The following PDS5A variants were observed in gnomAD, a reference collection of about 807,000 sequenced individuals.
PDS5A encodes sister chromatid cohesion protein PDS5 homolog A.
PDS5A carries 42 observed loss-of-function variants against 167.1 expected under a neutral mutation model. The observed-to-expected ratio is 0.25, with a 90% confidence interval of 0.20 to 0.33. The LOEUF is 0.33. Among genes scored for constraint, PDS5A ranks in the 10% least tolerant of loss-of-function variants. The pLI, the probability that PDS5A is intolerant of heterozygous loss-of-function variation, is 1.00. For missense variants in PDS5A, 1,033 were observed against 1,605.9 expected, an observed-to-expected ratio of 0.64 and a Z score of 6.10; for synonymous variants, 553 against 554.6, an observed-to-expected ratio of 1.00 and a Z score of 0.04.
chr4:39,885,754 A>C (rs892939326), intron 17 of PDS5A, among the ~76,000 whole-genome samples: 1 of 152,040 alleles, frequency 6.6e-6, no homozygotes, highest in African/African-American at 2.4e-5. Flanking sequence ...GTCTCTACCA[A>C]AACCAAAACA....
In PDS5A at chr4:39,838,011, A is replaced by G; in HGVS notation, c.3855T>C (p.Asn1285=). ...KSESQGNATK[N]DDLNKPINKG... ...TGTTAATAGGTTTATTTAGATCATC[A>G]TTTTTGGTAGCATTGCCCTGAGATT... The change falls in exon 32 of 33, where the codon AAT becomes AAC. Residue 1285 remains asparagine (N), a synonymous_variant. Transcript: ENST00000303538. 1 of 1,613,910 alleles carries G rather than the reference A, an allele frequency of 6.2e-7. No homozygotes were observed. Among genetic ancestry groups the G allele is most frequent in the Non-Finnish European group, 8.5e-7 (1 of 1,179,886 alleles).
At chr4:39,919,984 G>T (rs1724781290) in intron 7 of PDS5A, among the ~76,000 whole-genome samples, 1 of 149,464 alleles carries the variant, frequency 6.7e-6, no homozygotes, top group South Asian at 2.2e-4. Flanking sequence ...TCAGAAGAAT[G>T]ACCCAAAAGA....
chr4:39,963,882 A>G (rs1342275403), intron 2 of PDS5A, among the ~76,000 whole-genome samples: 1 of 151,910 alleles, frequency 6.6e-6, no homozygotes, highest in Non-Finnish European at 1.5e-5. Flanking sequence ...TAGATATATA[A>G]ATTGATAAAC....
chr4:39,955,229 A>C (rs1560515284), intron 2 of PDS5A, among the ~76,000 whole-genome samples: 2 of 152,180 alleles, frequency 1.3e-5, no homozygotes, highest in Non-Finnish European at 2.9e-5. Context: ...TTTGGGATTT[A>C]CCATGCTGAA....
chr4:39,938,282 C>T (rs536876481), intron 2 of PDS5A, among the ~76,000 whole-genome samples: 3 of 152,260 alleles, frequency 2.0e-5, no homozygotes, highest in South Asian at 2.1e-4. Context: ...GGGCCGGGCA[C>T]GGTGGCTCAC....
At chr4:39,907,124 A>G (rs1042952388) in intron 11 of PDS5A, among the ~76,000 whole-genome samples, 1 of 152,124 alleles carries the variant, frequency 6.6e-6, no homozygotes, top group African/African-American at 2.4e-5. Context: ...CTATGAAAAA[A>G]CTGTAATAGT....
chr4:39,913,380 TGAC>T (rs1724067917), intron 9 of PDS5A, among the ~76,000 whole-genome samples: 1 of 152,092 alleles, frequency 6.6e-6, no homozygotes, highest in Non-Finnish European at 1.5e-5. Context: ...CGGCTGGCCA[TGAC>T]ATTATTTTAA....
chr4:39,861,777 T>C (rs1020753083), intron 26 of PDS5A, among the ~76,000 whole-genome samples: 2 of 152,188 alleles, frequency 1.3e-5, no homozygotes, highest in African/African-American at 4.8e-5. Flanking sequence ...ACCTCATAAA[T>C]GTATACAATT....
chr4:39,908,876 A>G, intron 10 of PDS5A: 1 of 201,946 alleles, frequency 5.0e-6, no homozygotes, highest in Non-Finnish European at 9.9e-6. Flanking sequence ...AAATTACCAA[A>G]TAAAAAAACT....
At chr4:39,833,615 C>T (rs1716127141) in intron 32 of PDS5A, among the ~76,000 whole-genome samples, 1 of 152,046 alleles carries the variant, frequency 6.6e-6, no homozygotes, top group Non-Finnish European at 1.5e-5. Context: ...GTCTTAAACT[C>T]CTAGGCTCCA....
chr4:39,867,070 G>A, intron 22 of PDS5A, 73 bp from the exon 23 acceptor site: 6 of 1,145,402 alleles, frequency 5.2e-6, no homozygotes, highest in Non-Finnish European at 6.2e-6. Flanking sequence ...AATTTAATTA[G>A]ATTAATGAGA....
chr4:39,874,134 A>T (rs140786571), intron 20 of PDS5A, among the ~76,000 whole-genome samples, 155 bp downstream of exon 20: 1 of 152,216 alleles, frequency 6.6e-6, no homozygotes, highest in Non-Finnish European at 1.5e-5. Flanking sequence ...ATGCAGTACC[A>T]CATAAAATAG....
chr4:39,852,196 T>G (rs1225216450), intron 26 of PDS5A, among the ~76,000 whole-genome samples: 1 of 152,170 alleles, frequency 6.6e-6, no homozygotes, highest in African/African-American at 2.4e-5. Context: ...TGGAAGTTGT[T>G]CAATATAATG....
At chr4:39,829,665 T>A (rs1489511797) in intron 32 of PDS5A, among the ~76,000 whole-genome samples, 3 of 129,538 alleles carry the variant, frequency 2.3e-5, no homozygotes, top group African/African-American at 8.9e-5. Flanking sequence ...AAAAAAAAAA[T>A]TTCCGGCCAG....
intron 2 of PDS5A, chr4:39,936,747 G>C (rs1726655778): frequency 6.6e-6 from 1 of 152,072 alleles, no homozygotes; most frequent in Admixed American, 6.6e-5. Context: ...AAAGCACTAT[G>C]TTTACTGTCA....
At chr4:39,969,753 T>C (rs531300192) in intron 2 of PDS5A, among the ~76,000 whole-genome samples, 19 of 152,060 alleles carry the variant, frequency 1.2e-4, no homozygotes, top group Admixed American at 1.2e-3. Flanking sequence ...TCTAATTCAG[T>C]ATTAATACAA....
At chr4:39,885,849 G>A (rs1721419054) in intron 17 of PDS5A, among the ~76,000 whole-genome samples, 1 of 152,142 alleles carries the variant, frequency 6.6e-6, no homozygotes, top group Non-Finnish European at 1.5e-5. Flanking sequence ...CATCTACTCT[G>A]GAGGCTGAGG....
chr4:39,931,971 A>C (rs972408776), intron 2 of PDS5A, among the ~76,000 whole-genome samples: 1 of 151,296 alleles, frequency 6.6e-6, no homozygotes, highest in African/African-American at 2.4e-5. Flanking sequence ...GGCTCACTGC[A>C]ATCTCTGCCT....
intron 7 of PDS5A, among the ~76,000 whole-genome samples, chr4:39,918,399 C>T (rs1347052697): frequency 6.6e-6 from 1 of 151,154 alleles, no homozygotes; most frequent in Non-Finnish European, 1.5e-5. Flanking sequence ...GTATACAAGG[C>T]CAAGAGCGCA....
Sources: gnomAD v4.1 joint callset for allele counts (sites outside exome capture counted in the v4.1 genomes callset) on GRCh38, gnomAD v4.1.1 for gene constraint, MANE v1.5 for transcripts, NCBI Gene and HGNC (gene_info 2026-07-23, HGNC 2026-07-21) for gene names.